GPC5: variants seen among roughly 807,000 people sequenced by gnomAD.
GPC5 encodes the protein glypican-5.
Under a neutral mutation model 53.9 loss-of-function variants are expected in GPC5, and 47 were observed. The ratio of observed to expected loss-of-function variants is 0.87; its 90% CI spans 0.69 to 1.11. The LOEUF (loss-of-function observed/expected upper bound fraction) is 1.11. GPC5 is among the 50% of genes most tolerant of loss of function. The pLI, the probability that GPC5 is intolerant of heterozygous loss-of-function variation, is 0.00. For synonymous variants in GPC5, 286 were observed against 263.3 expected, an observed-to-expected ratio of 1.09 and a Z score of -0.84; for missense variants, 748 against 713.1, an observed-to-expected ratio of 1.05 and a Z score of -0.56.
intron 7 of GPC5, among the ~76,000 whole-genome samples, chr13:92,640,610 G>T (rs1015594003): frequency 6.6e-6 from 1 of 152,104 alleles, no homozygotes; most frequent in Non-Finnish European, 1.5e-5. Flanking sequence ...GAGCCTCTTG[G>T]AGAAATGTCT....
At chr13:92,090,442 C>T (rs928763534) in intron 6 of GPC5, among the ~76,000 whole-genome samples, 2 of 152,082 alleles carry the variant, frequency 1.3e-5, no homozygotes, top group African/African-American at 4.8e-5. Context: ...CAGAGAGACT[C>T]CTGCCCCTTT....
chr13:91,503,563 C>T lies in GPC5; in HGVS notation c.325+54641C>T, dbSNP rs374240779. Among the ~76,000 whole-genome samples the T allele has an allele frequency of 6.6e-5, 10 of 151,724 alleles. No individual in the cohort carries two copies. In the East Asian group the frequency reaches 9.7e-4, roughly 15 times the overall value. The stretch of plus-strand genomic sequence containing the variant: ...TCGGGAGGCTGAGGCTGGCGGATCA[C>T]GAGGTCAGGAGATGGTGACCCTCCT... On this transcript the variant is annotated intron_variant, in intron 2 of 7. Transcript: ENST00000377067.
intron 7 of GPC5, among the ~76,000 whole-genome samples, chr13:92,312,633 T>G (rs891043845): frequency 6.6e-6 from 1 of 152,194 alleles, no homozygotes; most frequent in Non-Finnish European, 1.5e-5. Context: ...CCTCTAAAAT[T>G]TCTTTCAAAA....
chr13:92,358,687 T>G (rs2043542375), intron 7 of GPC5, among the ~76,000 whole-genome samples: 1 of 151,830 alleles, frequency 6.6e-6, no homozygotes, highest in Non-Finnish European at 1.5e-5. Context: ...CTGCCAAAGC[T>G]TATGGCTTAC....
intron 3 of GPC5, among the ~76,000 whole-genome samples, chr13:91,707,946 A>G (rs2036142820): frequency 1.3e-5 from 2 of 152,238 alleles, no homozygotes; most frequent in South Asian, 2.1e-4. Flanking sequence ...AATGTTCTAT[A>G]TACATATAAT....
At chr13:92,381,903 A>G (rs2139308369) in intron 7 of GPC5, among the ~76,000 whole-genome samples, 1 of 135,538 alleles carries the variant, frequency 7.4e-6, no homozygotes, top group East Asian at 2.0e-4. Context: ...ATATAATCAT[A>G]TATATGATAT....
intron 7 of GPC5, among the ~76,000 whole-genome samples, chr13:92,713,450 C>CA (rs949590365): frequency 2.3e-5 from 3 of 132,510 alleles, no homozygotes; most frequent in African/African-American, 8.4e-5. Context: ...AAAAAAAATA[C>CA]AAAAAAAATT....
chr13:92,482,996 C>A (rs554371682), intron 7 of GPC5, among the ~76,000 whole-genome samples: 1 of 152,212 alleles, frequency 6.6e-6, no homozygotes, highest in Admixed American at 6.5e-5. Context: ...AGCAAAGGCA[C>A]GTCTTACATG....
At chr13:92,102,580 G>A (rs1035408247) in intron 6 of GPC5, among the ~76,000 whole-genome samples, 5 of 152,160 alleles carry the variant, frequency 3.3e-5, no homozygotes, top group Admixed American at 6.5e-5. Flanking sequence ...GAGAAGTAGA[G>A]GTTGAAAATA....
At chr13:91,821,122 A>G (rs559304954) in intron 5 of GPC5, among the ~76,000 whole-genome samples, 4 of 152,338 alleles carry the variant, frequency 2.6e-5, no homozygotes, top group East Asian at 3.9e-4. Flanking sequence ...TGAACATAGT[A>G]TGCAGCTTCA....
chr13:91,494,079 A>C (rs768394832), intron 2 of GPC5, among the ~76,000 whole-genome samples: 4 of 151,084 alleles, frequency 2.6e-5, no homozygotes, highest in Non-Finnish European at 5.9e-5. Flanking sequence ...TTTAGTAGAG[A>C]TGGGGTTACA....
rs117107225 is a variant in GPC5 at position 92,249,627 on chromosome 13, C to A, written c.1561+104638C>A. Among the ~76,000 whole-genome samples the A allele has an allele frequency of 3.0e-4, 46 of 152,078 alleles. No individual in the cohort carries two copies. In the East Asian group the frequency reaches 8.9e-3, roughly 29 times the overall value. On this transcript the variant is annotated intron_variant, in intron 7 of 7. Transcript: ENST00000377067. ...TCAGATGGCACCTGTCTGAGTCTGA[C>A]TGAAAATTTTTAGTGGGGGGGTTGA...
At chr13:92,808,605 C>T (rs1317412027) in intron 7 of GPC5, among the ~76,000 whole-genome samples, 1 of 151,930 alleles carries the variant, frequency 6.6e-6, no homozygotes, top group Non-Finnish European at 1.5e-5. Flanking sequence ...ACAAAATAAA[C>T]AAGATGATTT....
intron 7 of GPC5, among the ~76,000 whole-genome samples, chr13:92,347,026 G>A (rs572700185): frequency 2.4e-4 from 37 of 152,158 alleles, no homozygotes; most frequent in African/African-American, 7.5e-4. Flanking sequence ...AAAATGTAAC[G>A]AAATCCTACA....
At chr13:92,639,974 C>T (rs59735555) in intron 7 of GPC5, among the ~76,000 whole-genome samples, 2,962 of 146,642 alleles carry the variant, frequency 0.02, 74 homozygotes, top group African/African-American at 0.066. Context: ...TTTTTTTTTT[C>T]TCTCTCTCTC....
chr13:92,300,018 C>G (rs1192338434), intron 7 of GPC5, among the ~76,000 whole-genome samples: 2 of 152,106 alleles, frequency 1.3e-5, no homozygotes, highest in East Asian at 1.9e-4. Context: ...AAATCAAACT[C>G]TTTCTGAAAA....
chr13:91,494,524 C>G (rs1199978843), intron 2 of GPC5, among the ~76,000 whole-genome samples: 1 of 152,184 alleles, frequency 6.6e-6, no homozygotes, highest in South Asian at 2.1e-4. Context: ...AGGGCTAACA[C>G]CCTTGCTGTC....
chr13:91,787,318 T>TG (rs1453852256), intron 5 of GPC5, among the ~76,000 whole-genome samples: 5 of 152,222 alleles, frequency 3.3e-5, no homozygotes, highest in Non-Finnish European at 5.9e-5. Context: ...CTAGTTGCAA[T>TG]GCCATATATA....
At chr13:92,299,717 A>G (rs2043062219) in intron 7 of GPC5, among the ~76,000 whole-genome samples, 1 of 152,178 alleles carries the variant, frequency 6.6e-6, no homozygotes, top group African/African-American at 2.4e-5. Flanking sequence ...TCTTGTAACC[A>G]TGTGTTGTCA....
Sources: allele counts gnomAD v4.1 joint callset (sites outside exome capture counted in the v4.1 genomes callset), GRCh38; gene constraint gnomAD v4.1.1; transcripts MANE v1.5; gene names NCBI Gene and HGNC (gene_info 2026-07-23, HGNC 2026-07-21).